The following ZNF512 variants were observed in gnomAD, a reference collection of about 807,000 sequenced individuals.
ZNF512 encodes the protein zinc finger protein 512.
A neutral mutation model predicts 77.5 loss-of-function variants in ZNF512; 25 were observed. The observed-to-expected ratio is 0.32, with a 90% CI of 0.23 to 0.45. The LOEUF (loss-of-function observed/expected upper bound fraction) is 0.45. Ranked by LOEUF, ZNF512 falls within the 20% of genes least tolerant of loss-of-function variation. ZNF512 has a pLI of 1.00. For synonymous variants in ZNF512, 246 were observed against 239.9 expected (o/e 1.03, Z -0.24); for missense variants, 483 against 692.6 (o/e 0.70, Z 3.40).
At chr2:27,588,746 A>C (rs921854659) in intron 2 of ZNF512, among the ~76,000 whole-genome samples, 3 of 151,212 alleles carry the variant, frequency 2.0e-5, no homozygotes, top group Non-Finnish European at 4.4e-5. Flanking sequence ...GCCAATATCT[A>C]TTAAAAGAAG....
chr2:27,594,656 C>T lies in ZNF512; in HGVS notation c.90-3411C>T, dbSNP rs1378601978. 5.4e-5 allele frequency among the ~76,000 whole-genome samples: 8 copies of T among 148,804 alleles called. No individual in the cohort carries two copies. The East Asian group carries it at 8.1e-4, about 15-fold the overall frequency. ...CTCCTCACTTCCCAGACGGGGCGGC[C>T]GGGCAGAGGGTCTCCTCCCATCCCA... On this transcript the variant is annotated intron_variant, in intron 2 of 13. Transcript: ENST00000355467.
intron 11 of ZNF512, 43 bp downstream of exon 11, chr2:27,615,312 C>T (rs748348869): frequency 7.7e-7 from 1 of 1,293,434 alleles, no homozygotes; most frequent in Non-Finnish European, 1.1e-6. Context: ...GTTTATCAAG[C>T]ATCTGCTCTT....
At chr2:27,593,195 T>TACACAC (rs57568574) in intron 2 of ZNF512, among the ~76,000 whole-genome samples, 730 of 112,130 alleles carry the variant, frequency 6.5e-3, no homozygotes, top group South Asian at 0.015. Context: ...ACCCTGTCTC[T>TACACAC]ACACACACAC....
chr2:27,595,576 C>T lies in ZNF512; in HGVS notation c.90-2491C>T, dbSNP rs566501167. ...TCCTGACCTTGTGATCCGCCTGCCTCGGCCTCCCAAAGTGCTGGATTACAG... is the reference window on the plus strand; with the variant it reads ...TCCTGACCTTGTGATCCGCCTGCCTTGGCCTCCCAAAGTGCTGGATTACAG... On this transcript the variant is annotated intron_variant, in intron 2 of 13. Transcript: ENST00000355467. Among the ~76,000 whole-genome samples the T allele has an allele frequency of 1.2e-4, 18 of 152,246 alleles. No homozygotes were observed. The East Asian group carries it at 2.1e-3, about 18-fold the overall frequency.
intron 2 of ZNF512, among the ~76,000 whole-genome samples, chr2:27,586,453 C>A (rs1671334705): frequency 6.6e-6 from 1 of 152,118 alleles, no homozygotes; most frequent in Non-Finnish European, 1.5e-5. Context: ...TGGTCTTGAA[C>A]TCCTGAGCTC....
chr2:27,616,458 C>T (rs1036317263), intron 12 of ZNF512, 134 bp downstream of exon 12: 1 of 684,868 alleles, frequency 1.5e-6, no homozygotes, highest in Non-Finnish European at 2.5e-6. Flanking sequence ...ATTTTTATGT[C>T]TCTAAGATTC....
chr2:27,596,306 G>A (rs1671866711), intron 2 of ZNF512, among the ~76,000 whole-genome samples: 1 of 152,146 alleles, frequency 6.6e-6, no homozygotes, highest in African/African-American at 2.4e-5. Context: ...TCTTTGCTAG[G>A]CTGGTACGTA....
At chr2:27,583,586 AG>A (rs764603140) in intron 1 of ZNF512, 71 bp from the exon 2 acceptor site, 116 of 1,589,670 alleles carry the variant, frequency 7.3e-5, no homozygotes, top group Non-Finnish European at 9.8e-5. Flanking sequence ...TTCTGGGCAT[AG>A]GGGAATTCGT....
At chr2:27,584,821 C>T (rs1558461919) in intron 2 of ZNF512, among the ~76,000 whole-genome samples, 1 of 151,988 alleles carries the variant, frequency 6.6e-6, no homozygotes, top group South Asian at 2.1e-4. Context: ...GCAGGGAGAG[C>T]GTTTAGAGAG....
chr2:27,612,877 T>A (rs1352844990), intron 10 of ZNF512, among the ~76,000 whole-genome samples: 1 of 152,224 alleles, frequency 6.6e-6, no homozygotes, highest in East Asian at 1.9e-4. Flanking sequence ...GTGTTATTTT[T>A]ATTAAGTTTT....
chr2:27,595,767 T>A (rs1572912155), intron 2 of ZNF512, among the ~76,000 whole-genome samples: 2 of 152,246 alleles, frequency 1.3e-5, no homozygotes, highest in South Asian at 4.1e-4. Context: ...GGTTCTTTTT[T>A]ATGGTTTCTT....
intron 13 of ZNF512, among the ~76,000 whole-genome samples, chr2:27,620,073 G>GTA (rs1391825717): frequency 6.6e-6 from 1 of 151,966 alleles, no homozygotes; most frequent in Non-Finnish European, 1.5e-5. Flanking sequence ...TGTGAGCCAT[G>GTA]TATATAATTT....
chr2:27,599,867 G>A (rs1672037904), intron 4 of ZNF512, 103 bp from the exon 5 acceptor site: 5 of 1,359,214 alleles, frequency 3.7e-6, no homozygotes, highest in South Asian at 2.4e-5. Flanking sequence ...GCAGTCAGTC[G>A]GTTGAGGGAC....
Position 27,621,357 on chromosome 2 carries a change from C to T in ZNF512, c.1600C>T (p.Leu534=). Residue 534 remains leucine (L), a synonymous_variant, in exon 14 of 14, where the codon CTG becomes TTG. Coordinates refer to ENST00000355467, the MANE Select transcript of ZNF512 (RefSeq NM_032434.4). The stretch of plus-strand genomic sequence containing the variant: ...GGATCAGAGGAGGAATAATGAGGAA[C>T]TGGTAGTGTCAGCCTCCTGTAAGGA... ...GKDQRRNNEE[L]VVSASCKEPE... The T allele has an allele frequency of 6.2e-7, 1 of 1,614,108 alleles. No individual in the cohort carries two copies. Among genetic ancestry groups the T allele is most frequent in the Non-Finnish European group, 8.5e-7 (1 of 1,180,028 alleles).
chr2:27,621,237 C>T lies in ZNF512; in HGVS notation c.1480C>T (p.Arg494Trp), dbSNP rs772508627. ...GCAGCGGCAGCAAGAAGAAGAAAAGCGGAGGCAGCAGCACAGGAGCAGAAG... is the reference window on the plus strand; with the variant it reads ...GCAGCGGCAGCAAGAAGAAGAAAAGTGGAGGCAGCAGCACAGGAGCAGAAG... ...IKQRQQEEEK[R>W]RQQHRSRRSL... The change falls in exon 14 of 14, where the codon CGG becomes TGG. Residue 494 changes from arginine (R) to tryptophan (W), a missense_variant. Physicochemically the swap from Arg to Trp is moderately radical, Grantham distance 101 (BLOSUM62 -3). Coordinates refer to ENST00000355467, the MANE Select transcript of ZNF512 (RefSeq NM_032434.4). The T allele has an allele frequency of 1.8e-5, 29 of 1,613,992 alleles. No homozygotes were observed. The highest frequency in any genetic ancestry group is 6.7e-5 in the Admixed American group (4 of 59,990).
intron 2 of ZNF512, among the ~76,000 whole-genome samples, chr2:27,594,873 A>C (rs940446632): frequency 2.0e-5 from 3 of 152,230 alleles, no homozygotes; most frequent in Non-Finnish European, 4.4e-5. Context: ...CTCCGTCTGC[A>C]ATCCCAGCAC....
intron 12 of ZNF512, among the ~76,000 whole-genome samples, chr2:27,616,636 C>T (rs961070872): frequency 6.6e-6 from 1 of 152,212 alleles, no homozygotes; most frequent in Non-Finnish European, 1.5e-5. Flanking sequence ...GCATCTCCTA[C>T]ACTGGGCCTG....
intron 2 of ZNF512, among the ~76,000 whole-genome samples, chr2:27,588,968 A>T (rs1393232247): frequency 6.6e-6 from 1 of 152,098 alleles, no homozygotes; most frequent in Non-Finnish European, 1.5e-5. Context: ...ATTATGTTTT[A>T]CTGATGTAAT....
intron 2 of ZNF512, among the ~76,000 whole-genome samples, chr2:27,596,865 A>G (rs1330599828): frequency 6.6e-6 from 1 of 152,254 alleles, no homozygotes; most frequent in African/African-American, 2.4e-5. Flanking sequence ...AGGAAACTGT[A>G]TAAACAAGTG....
Sources: gnomAD v4.1 joint callset for allele counts (sites outside exome capture counted in the v4.1 genomes callset) on GRCh38, gnomAD v4.1.1 for gene constraint, MANE v1.5 for transcripts, NCBI Gene and HGNC (gene_info 2026-07-23, HGNC 2026-07-21) for gene names.